DHPS: variants seen among roughly 807,000 people sequenced by gnomAD.
The protein encoded by DHPS is migration-inducing gene 13.
In DHPS, 24 loss-of-function variants were observed where a neutral mutation model predicts 38.7. The ratio of observed to expected loss-of-function variants is 0.62; its 90% CI spans 0.45 to 0.87. DHPS has a LOEUF of 0.87. DHPS is among the 40% of genes least tolerant of loss of function. The pLI is 0.00. For missense variants in DHPS, 510 were observed against 497.6 expected (o/e 1.02, Z -0.24); for synonymous variants, 250 against 204.4 (o/e 1.22, Z -1.90).
At chr19:12,681,476 T>C (rs1181701551) in intron 1 of DHPS, 84 bp downstream of exon 1, 28 of 1,495,448 alleles carry the variant, frequency 1.9e-5, no homozygotes, top group Non-Finnish European at 2.5e-5. Flanking sequence ...TCCCCTCCAC[T>C]GGAAACGCTG....
chr19:12,672,807 G>T, downstream of DHPS: 1 of 1,552,024 alleles, frequency 6.4e-7, no homozygotes, highest in Non-Finnish European at 8.7e-7. Context: ...AGCCATGTGA[G>T]TGTAGTCAAG....
Position 12,676,084 on chromosome 19 carries a change from T to C in DHPS, c.947A>G (p.Asp316Gly). The change falls in exon 8 of 9, where the codon GAC becomes GGC. Residue 316 changes from aspartate (D) to glycine (G), a missense_variant. Physicochemically the swap from Asp to Gly is moderately conservative, Grantham distance 94. Coordinates refer to ENST00000210060, the MANE Select transcript of DHPS (RefSeq NM_001930.4). The stretch of plus-strand genomic sequence containing the variant: ...AGCCTCGTCTGGTCGGGCACCTGAG[T>C]CAGAGCCATCAAACTCCTGGGCTGT... The part of the protein sequence containing the change: ...INTAQEFDGS[D>G]SGARPDEAVS... 6.2e-7 allele frequency: 1 copy of C among 1,613,848 alleles called. No homozygotes were observed. Among genetic ancestry groups the C allele is most frequent in the Non-Finnish European group, 8.5e-7 (1 of 1,179,932 alleles).
At chr19:12,674,105 G>C (rs2024500177), downstream of DHPS, among the ~76,000 whole-genome samples, 1 of 152,236 alleles carries the variant, frequency 6.6e-6, no homozygotes, top group African/African-American at 2.4e-5. Context: ...AAAGGCTTCA[G>C]GGTGGCGGCA....
At chr19:12,672,927 G>A (rs1255570577), downstream of DHPS, 1 of 1,598,564 alleles carries the variant, frequency 6.3e-7, no homozygotes, top group Non-Finnish European at 8.5e-7. Flanking sequence ...GAGTGTGGCT[G>A]GGGATGTGGG....
At chr19:12,681,363 A>T (rs1440602136) in intron 1 of DHPS, 197 bp downstream of exon 1, 1 of 980,728 alleles carries the variant, frequency 1.0e-6, no homozygotes, top group Non-Finnish European at 1.5e-6. Flanking sequence ...CCGTACCAGC[A>T]TGTAACTACC....
intron 2 of DHPS, 109 bp from the exon 3 acceptor site, chr19:12,680,031 C>G (rs753392619): frequency 6.4e-7 from 1 of 1,555,414 alleles, no homozygotes; most frequent in Non-Finnish European, 8.7e-7. Flanking sequence ...GGGAGCTCTG[C>G]TACAAAACAA....
chr19:12,681,692 C>T lies in DHPS; in HGVS notation c.75G>A (p.Pro25=), dbSNP rs751246180. 1 of 1,613,976 alleles carries T rather than the reference C, an allele frequency of 6.2e-7. No individual in the cohort carries two copies. The highest frequency in any genetic ancestry group is 1.7e-5 in the Admixed American group (1 of 60,012). ...AGCCCCGGACCTGGGTGCTTTCGGG[C>T]GGCAACGTCGAGCTGTGCTTTAGCA... The part of the protein sequence containing the change: ...AAVLKHSSTL[P]PESTQVRGYD... The change falls in exon 1 of 9, where the codon CCG becomes CCA. Residue 25 remains proline, a synonymous_variant. Transcript: ENST00000210060.
At chr19:12,672,622 A>G, downstream of DHPS, 1 of 570,144 alleles carries the variant, frequency 1.8e-6, no homozygotes, top group South Asian at 2.0e-5. Context: ...CAAAAGGAAG[A>G]AAAGGGGGAA....
chr19:12,673,465 T>TAG (rs1296225637), downstream of DHPS: 1 of 598,506 alleles, frequency 1.7e-6, no homozygotes, highest in East Asian at 3.0e-5. Context: ...TCGCCCAGGC[T>TAG]AGAGTGCAGT....
rs768290784 is a variant in DHPS at position 12,679,720 on chromosome 19, C to T, written c.495-1G>A. The stretch of plus-strand genomic sequence containing the variant: ...ATTGGGCACCAGCAGGTTTCCGATC[C>T]TGAGAACAGGAGGCATGTAGGCATC... On this transcript the variant is annotated splice_acceptor_variant, in intron 3 of 8. Transcript: ENST00000210060. LOFTEE classifies it high-confidence loss of function. 1 of 1,614,222 alleles carries T rather than the reference C, an allele frequency of 6.2e-7. No individual in the cohort carries two copies. The highest frequency in any genetic ancestry group is 1.7e-5 in the Admixed American group (1 of 60,024).
intron 1 of DHPS, among the ~76,000 whole-genome samples, chr19:12,680,627 G>A (rs747808420): frequency 1.3e-5 from 2 of 150,448 alleles, no homozygotes; most frequent in African/African-American, 2.4e-5. Flanking sequence ...TCCACCTCCC[G>A]GGTTCAAGCG....
chr19:12,678,627 G>A (rs748874896), intron 5 of DHPS, among the ~76,000 whole-genome samples: 1 of 151,724 alleles, frequency 6.6e-6, no homozygotes, highest in Non-Finnish European at 1.5e-5. Context: ...AAATTGGCCG[G>A]GCATGATGGT....
chr19:12,678,620 T>C (rs1036305821), intron 5 of DHPS, among the ~76,000 whole-genome samples: 2 of 151,322 alleles, frequency 1.3e-5, no homozygotes, highest in African/African-American at 4.9e-5. Flanking sequence ...AATACAAAAA[T>C]TGGCCGGGCA....
chr19:12,674,295 C>A (rs959818881), downstream of DHPS, among the ~76,000 whole-genome samples: 7 of 152,224 alleles, frequency 4.6e-5, no homozygotes, highest in Admixed American at 4.6e-4. Context: ...GCCCTGAGCC[C>A]TGTCCTTGAC....
downstream of DHPS, among the ~76,000 whole-genome samples, chr19:12,674,112 G>A (rs905296273): frequency 4.6e-5 from 7 of 152,330 alleles, no homozygotes; most frequent in Non-Finnish European, 8.8e-5. Flanking sequence ...TCAGGGTGGC[G>A]GCAGGTGCGG....
At chr19:12,679,222 C>T (rs1489638411) in intron 5 of DHPS, among the ~76,000 whole-genome samples, 2 of 151,866 alleles carry the variant, frequency 1.3e-5, no homozygotes, top group Non-Finnish European at 2.9e-5. Context: ...TGCTTGGCCC[C>T]AGGAGGTTGA....
intron 5 of DHPS, among the ~76,000 whole-genome samples, chr19:12,678,219 T>C (rs1033425512): frequency 3.3e-5 from 5 of 151,082 alleles, no homozygotes; most frequent in Non-Finnish European, 5.9e-5. Context: ...GATTGCGCCA[T>C]TGGACTCTGG....
Position 12,679,463 on chromosome 19 carries a change from G to C in DHPS, c.672C>G (p.Ala224=), listed in dbSNP as rs770757017. The C allele has an allele frequency of 6.2e-7, 1 of 1,613,984 alleles. No homozygotes were observed. The highest frequency in any genetic ancestry group is 8.5e-7 in the Non-Finnish European group (1 of 1,180,000). Residue 224 remains alanine, a synonymous_variant, in exon 5 of 9, where the codon GCC becomes GCG. Transcript: ENST00000210060. ...INNPESVYYW[A]QKNHIPVFSP... ...CTCCCGCTTAGGTCCTCACCTTCTG[G>C]GCCCAGTAATACACGGACTCTGGGT...
intron 7 of DHPS, 175 bp from the exon 8 acceptor site, chr19:12,676,317 G>A (rs750567039): frequency 2.1e-5 from 17 of 800,414 alleles, no homozygotes; most frequent in Non-Finnish European, 3.0e-5. Context: ...TAGAGCTGCT[G>A]GGCAACGATG....
Sources: gnomAD v4.1 joint callset for allele counts (sites outside exome capture counted in the v4.1 genomes callset) on GRCh38, gnomAD v4.1.1 for gene constraint, MANE v1.5 for transcripts, NCBI Gene and HGNC (gene_info 2026-07-23, HGNC 2026-07-21) for gene names.